Variants in PLAUR observed in about 807,000 individuals in gnomAD.
PLAUR encodes urokinase plasminogen activator surface receptor.
PLAUR carries 22 observed loss-of-function variants against 33.4 expected under a neutral mutation model. That is an observed-to-expected ratio of 0.66 (90% CI 0.47 to 0.94). The LOEUF (loss-of-function observed/expected upper bound fraction) is 0.94, where lower values mean the gene tolerates loss of function less well. PLAUR is among the 40% of genes least tolerant of loss of function. The probability of loss-of-function intolerance (pLI) is 0.00; values close to 1 mark genes in which losing one functional copy is unlikely to be tolerated. For missense variants in PLAUR, 408 were observed against 434.7 expected, an observed-to-expected ratio of 0.94 and a Z score of 0.55; for synonymous variants, 148 against 167.3, an observed-to-expected ratio of 0.88 and a Z score of 0.89.
chr19:43,667,452 G>T (rs528914939), intron 2 of PLAUR, 129 bp downstream of exon 2: 12 of 658,054 alleles, frequency 1.8e-5, no homozygotes, highest in South Asian at 1.6e-4. Flanking sequence ...CAATCTGGTG[G>T]GTGTGAAATG....
intron 3 of PLAUR, among the ~76,000 whole-genome samples, chr19:43,663,334 CACACACACACACACACACAG>C (rs1967086019): frequency 1.3e-5 from 2 of 151,314 alleles, no homozygotes; most frequent in Admixed American, 6.6e-5. Context: ...CACACACACA[CACACACACACACACACACAG>C]GACTGTGAGT....
chr19:43,663,101 C>T lies in PLAUR; in HGVS notation c.310+2215G>A, dbSNP rs536481216. Among the ~76,000 whole-genome samples, 6 of 152,228 alleles carry T rather than the reference C, an allele frequency of 3.9e-5. No homozygotes were observed. In the South Asian group the frequency reaches 1.2e-3, roughly 32 times the overall value. On this transcript the variant is annotated intron_variant, in intron 3 of 6. Transcript: ENST00000340093. ...CTGAGTCAGGTATCTCCTCTAGGGT[C>T]CCACAGCTCCTACTCTTCCCTCATC...
At chr19:43,659,886 G>T (rs1160191114) in intron 3 of PLAUR, among the ~76,000 whole-genome samples, 1 of 152,056 alleles carries the variant, frequency 6.6e-6, no homozygotes, top group Non-Finnish European at 1.5e-5. Flanking sequence ...TATATTTTCT[G>T]TTGGACTCTT....
intron 6 of PLAUR, 142 bp from the exon 7 acceptor site, chr19:43,649,285 T>C: frequency 1.1e-6 from 1 of 928,874 alleles, no homozygotes; most frequent in East Asian, 2.6e-5. Flanking sequence ...CCAGGTGTGG[T>C]GGCTCATGCC....
intron 3 of PLAUR, among the ~76,000 whole-genome samples, chr19:43,657,892 T>G (rs1356639864): frequency 6.6e-6 from 1 of 152,190 alleles, no homozygotes; most frequent in African/African-American, 2.4e-5. Context: ...CTCTGCTCCC[T>G]GGTATTCATG....
rs547183239 is a variant in PLAUR at position 43,659,024 on chromosome 19, G to A, written c.311-2384C>T. Among the ~76,000 whole-genome samples, 9 of 151,970 alleles carry A rather than the reference G, an allele frequency of 5.9e-5. No homozygotes were observed. In the Middle Eastern group the frequency reaches 0.014, roughly 230 times the overall value. On this transcript the variant is annotated intron_variant, in intron 3 of 6. Coordinates refer to ENST00000340093, the MANE Select transcript of PLAUR (RefSeq NM_002659.4). ...CCTCCCTGACCCATCAGCCTGGAACGGGTACCTGCTCTGAGCTCCCACTGC... is the reference window on the plus strand; with the variant it reads ...CCTCCCTGACCCATCAGCCTGGAACAGGTACCTGCTCTGAGCTCCCACTGC...
At chr19:43,668,025 C>G in intron 1 of PLAUR, 1 of 1,123,298 alleles carries the variant, frequency 8.9e-7, no homozygotes, top group Non-Finnish European at 1.1e-6. Flanking sequence ...TATTCCTGCT[C>G]CTATTAGGTC....
intron 6 of PLAUR, among the ~76,000 whole-genome samples, chr19:43,650,301 G>A (rs979029239): frequency 4.0e-5 from 6 of 151,180 alleles, no homozygotes; most frequent in East Asian, 1.9e-4. Context: ...GAGCCACCGC[G>A]CCTGGCTGGT....
chr19:43,652,445 C>T (rs1305759202), intron 5 of PLAUR, 74 bp from the exon 6 acceptor site: 1 of 1,426,494 alleles, frequency 7.0e-7, no homozygotes, highest in East Asian at 2.3e-5. Flanking sequence ...ATGACCTCCC[C>T]AGGACTTCCA....
At chr19:43,654,068 G>C (rs1278043282) in intron 5 of PLAUR, among the ~76,000 whole-genome samples, 2 of 151,750 alleles carry the variant, frequency 1.3e-5, no homozygotes, top group African/African-American at 4.8e-5. Flanking sequence ...AGCTTGCAGT[G>C]AGCCAAGATC....
At position 43,665,465 on chromosome 19, in the gene PLAUR, A is replaced by T. The variant is rs1170618686; in HGVS notation, c.167-6T>A. 1 of 1,612,722 alleles carries T rather than the reference A, an allele frequency of 6.2e-7. No homozygotes were observed. Among genetic ancestry groups the T allele is most frequent in the South Asian group, 1.1e-5 (1 of 90,994 alleles). On this transcript the variant is annotated splice_polypyrimidine_tract_variant and splice_region_variant and intron_variant, in intron 2 of 6. Transcript: ENST00000340093. ...CAGCTCCAGCTCTTCTCCTTCTGCA[A>T]GGAGGGGATCTTCATTACCCCAGAG...
intron 3 of PLAUR, among the ~76,000 whole-genome samples, chr19:43,658,806 T>C (rs894185571): frequency 6.6e-6 from 1 of 151,968 alleles, no homozygotes; most frequent in Non-Finnish European, 1.5e-5. Flanking sequence ...AGCCCAATCG[T>C]CCCCCTCAAA....
intron 5 of PLAUR, among the ~76,000 whole-genome samples, chr19:43,653,840 G>T (rs1008754043): frequency 1.3e-5 from 2 of 150,834 alleles, no homozygotes; most frequent in Admixed American, 6.6e-5. Flanking sequence ...ATTTAGCTGG[G>T]TGCGGCCGGG....
intron 3 of PLAUR, among the ~76,000 whole-genome samples, chr19:43,662,128 C>G (rs897954670): frequency 2.6e-5 from 4 of 152,186 alleles, no homozygotes; most frequent in Non-Finnish European, 5.9e-5. Context: ...CGCCCACCCC[C>G]AAGTTGGTTT....
intron 6 of PLAUR, chr19:43,651,895 T>C (rs937100277): frequency 2.9e-6 from 3 of 1,046,322 alleles, no homozygotes; most frequent in Admixed American, 4.8e-5. Flanking sequence ...CATTTTTCTT[T>C]TTGTAGAGAT....
At chr19:43,655,705 A>G in intron 4 of PLAUR, 132 bp from the exon 5 acceptor site, 1 of 789,308 alleles carries the variant, frequency 1.3e-6, no homozygotes, top group Non-Finnish European at 2.0e-6. Flanking sequence ...TTTTATCTAG[A>G]ACAGTCATAG....
chr19:43,670,167 CCTT>C (rs761181656), exon 1 of PLAUR: 6 of 1,587,526 alleles, frequency 3.8e-6, no homozygotes, highest in Admixed American at 1.7e-5. Context: ...CGTCTTCTCT[CCTT>C]CTGGCCTCAG....
At chr19:43,653,051 G>A (rs1057452937) in intron 5 of PLAUR, among the ~76,000 whole-genome samples, 2 of 151,848 alleles carry the variant, frequency 1.3e-5, no homozygotes, top group African/African-American at 4.8e-5. Flanking sequence ...GGCCTCAGGC[G>A]ACCCTCCCGC....
chr19:43,649,787 G>A (rs977223347), intron 6 of PLAUR, among the ~76,000 whole-genome samples: 6 of 152,102 alleles, frequency 3.9e-5, no homozygotes, highest in African/African-American at 1.4e-4. Context: ...GGTTCTTAAA[G>A]TGTGGCTCAG....
Sources: gnomAD v4.1 joint callset for allele counts (sites outside exome capture counted in the v4.1 genomes callset) on GRCh38, gnomAD v4.1.1 for gene constraint, MANE v1.5 for transcripts, NCBI Gene and HGNC (gene_info 2026-07-23, HGNC 2026-07-21) for gene names.